Variants in SLC19A1 observed in about 807,000 individuals in gnomAD.
The protein encoded by SLC19A1 is solute carrier family 19 member 1.
A neutral mutation model predicts 35.3 loss-of-function variants in SLC19A1; 37 were observed. That is an observed-to-expected ratio of 1.05 (90% CI 0.81 to 1.38). SLC19A1 has a LOEUF of 1.38. SLC19A1 is among the 40% of genes most tolerant of loss of function. The probability of loss-of-function intolerance (pLI) is 0.00; values close to 1 mark genes in which losing one functional copy is unlikely to be tolerated. For synonymous variants in SLC19A1, 460 were observed against 398.5 expected (o/e 1.15, Z -1.84); for missense variants, 831 against 826.9 (o/e 1.00, Z -0.06).
intron 5 of SLC19A1, 100 bp from the exon 6 acceptor site, chr21:45,516,240 C>CA (rs2037931872): frequency 1.1e-6 from 1 of 917,834 alleles, no homozygotes; most frequent in African/African-American, 1.6e-5. Context: ...TCCTCCAGCT[C>CA]AGAGGCTGAC....
chr21:45,509,267 CCT>C (rs2037429070), downstream of SLC19A1: 4 of 1,512,532 alleles, frequency 2.6e-6, no homozygotes, highest in Non-Finnish European at 2.6e-6. Flanking sequence ...GAGCCCAGCC[CCT>C]CTCACCCAGC....
intron 4 of SLC19A1, among the ~76,000 whole-genome samples, chr21:45,528,089 G>C (rs983971488): frequency 3.3e-5 from 5 of 151,842 alleles, no homozygotes; most frequent in Admixed American, 1.3e-4. Flanking sequence ...GGGGACAGTG[G>C]AGGCTCGGGG....
At chr21:45,556,856 C>G (rs1369113750) in intron 1 of SLC19A1, among the ~76,000 whole-genome samples, 3 of 152,190 alleles carry the variant, frequency 2.0e-5, no homozygotes, top group Non-Finnish European at 2.9e-5. Flanking sequence ...TCCTGGGGGC[C>G]CTGCACAGCA....
At chr21:45,504,168 C>A (rs781583196) in intron 3 of SLC19A1, 5 of 1,258,378 alleles carry the variant, frequency 4.0e-6, no homozygotes, top group East Asian at 2.3e-5. Flanking sequence ...TTCAGCCCTG[C>A]GAGGGGCGCT....
At chr21:45,511,090 TACACAC>T, downstream of SLC19A1, 1 of 1,171,658 alleles carries the variant, frequency 8.5e-7, no homozygotes, top group Non-Finnish European at 1.2e-6. Context: ...CACACACACA[TACACAC>T]GGTTTCTCTT....
rs1602618999 is a variant in SLC19A1, at chr21:45,505,657, G to A, written c.498-7045C>T. ...CCAGGGCCTGTACATTGTCCACGGA[G>A]GCGCAGGAGCTGGCGGCAGGCAGGG... On this transcript the variant is annotated intron_variant, in intron 3 of 4. Transcript: ENST00000417954. Among the ~76,000 whole-genome samples, 2 of 152,178 alleles carry A rather than the reference G, an allele frequency of 1.3e-5. 1 individual carries two copies. Among genetic ancestry groups the A allele is most frequent in the African/African-American group, 4.8e-5 (2 of 41,436 alleles).
intron 2 of SLC19A1, among the ~76,000 whole-genome samples, chr21:45,536,862 C>T (rs1024633438): frequency 1.1e-4 from 17 of 152,104 alleles, no homozygotes; most frequent in African/African-American, 3.4e-4. Flanking sequence ...CCTGTGAGAG[C>T]GCTTTTCCAG....
intron 2 of SLC19A1, chr21:45,535,965 C>A: frequency 6.1e-6 from 1 of 164,262 alleles, no homozygotes; most frequent in South Asian, 1.8e-4. Flanking sequence ...CCTCCCTTGC[C>A]CCCGAAGCTG....
At chr21:45,539,857 A>G (rs73907602) in intron 1 of SLC19A1, among the ~76,000 whole-genome samples, 14,305 of 152,192 alleles carry the variant, frequency 0.094, 669 homozygotes, top group Middle Eastern at 0.12. Context: ...GGGAAGGGTT[A>G]GGGGAACCTC....
At chr21:45,522,483 G>A (rs1271177451) in intron 5 of SLC19A1, among the ~76,000 whole-genome samples, 2 of 152,188 alleles carry the variant, frequency 1.3e-5, no homozygotes, top group Non-Finnish European at 2.9e-5. Flanking sequence ...CCCAGCACTT[G>A]CACTTCTGGG....
At chr21:45,554,910 C>T (rs1273511339) in intron 1 of SLC19A1, among the ~76,000 whole-genome samples, 1 of 151,836 alleles carries the variant, frequency 6.6e-6, no homozygotes, top group Non-Finnish European at 1.5e-5. Context: ...AGGCCCCTCG[C>T]CTTCTCCCCA....
intron 2 of SLC19A1, 48 bp from the exon 3 acceptor site, chr21:45,532,196 G>C (rs2077955208): frequency 6.7e-7 from 1 of 1,488,040 alleles, no homozygotes; most frequent in East Asian, 2.3e-5. Flanking sequence ...CAATGCTGCC[G>C]CTGCGGCAGA....
intron 5 of SLC19A1, 36 bp from the exon 6 acceptor site, chr21:45,516,176 G>A: frequency 1.9e-6 from 3 of 1,542,836 alleles, no homozygotes; most frequent in African/African-American, 1.4e-5. Context: ...GGTGGGGAGG[G>A]CCTGGCTGGG....
In SLC19A1 at chr21:45,531,717, C is replaced by A. The variant is rs995770542; in HGVS notation, c.621G>T (p.Lys207Asn). The change falls in exon 3 of 6, where the codon AAG becomes AAT. Residue 207 changes from lysine to asparagine, a missense_variant. Lys to Asn is a moderately conservative substitution (Grantham distance 94). Coordinates refer to ENST00000311124, the MANE Select transcript of SLC19A1 (RefSeq NM_194255.4). ...VVLALFLKRPKRSLFFNRDDR... is the reference protein window; with the variant it reads ...VVLALFLKRPNRSLFFNRDDR... The stretch of plus-strand genomic sequence containing the variant: ...CGTCGCGGTTGAAGAAGAGGCTGCG[C>A]TTGGGGCGCTTCAGGAAGAGGGCGA... The A allele has an allele frequency of 1.2e-6, 2 of 1,612,728 alleles. No individual in the cohort carries two copies. The highest frequency in any genetic ancestry group is 1.3e-5 in the African/African-American group (1 of 74,904).
At position 45,540,378 on chromosome 21, in the gene SLC19A1, C is replaced by T. The variant is rs531685210; in HGVS notation, c.-50+1990G>A. 3.9e-4 allele frequency among the ~76,000 whole-genome samples: 60 copies of T among 152,260 alleles called. No homozygotes were observed. Among genetic ancestry groups the T allele is most frequent in the African/African-American group, 1.4e-3 (59 of 41,562 alleles). Reference sequence around the variant, plus strand: ...GCCCACAGTCCATGGCCGCAGGAGTCAGATCCCCACCCACAGGACCCCCAG... The same window carrying T: ...GCCCACAGTCCATGGCCGCAGGAGTTAGATCCCCACCCACAGGACCCCCAG... On this transcript the variant is annotated intron_variant, in intron 1 of 5. Transcript: ENST00000311124. The surrounding 1 kb of genome is among the most constrained non-coding windows in gnomAD (Gnocchi z 5.5).
chr21:45,553,632 C>A (rs1218506398), intron 1 of SLC19A1, among the ~76,000 whole-genome samples: 1 of 78,468 alleles, frequency 1.3e-5, no homozygotes, highest in Non-Finnish European at 2.7e-5. Context: ...AATCCCCCCG[C>A]GCCCCCCTCC....
At position 45,505,921 on chromosome 21, in the gene SLC19A1, G is replaced by A. The variant is rs1488058894; in HGVS notation, c.498-7309C>T. ...GCTGGCTCATCTTCGTGGCCGAGCA[G>A]GAGGAGCTCTACGTCCGCGTGCAGA... On this transcript the variant is annotated intron_variant, in intron 3 of 4. Transcript: ENST00000417954. 1.9e-6 allele frequency: 3 copies of A among 1,613,198 alleles called. No individual in the cohort carries two copies.
At position 45,537,801 on chromosome 21, in the gene SLC19A1, C is replaced by A; in HGVS notation, c.159G>T (p.Leu53=). 6.4e-7 allele frequency: 1 copy of A among 1,564,350 alleles called. No individual in the cohort carries two copies. Residue 53 remains leucine (L), a synonymous_variant, in exon 2 of 6, where the codon CTG becomes CTT. Coordinates refer to ENST00000311124, the MANE Select transcript of SLC19A1 (RefSeq NM_194255.4). ...CCCGCGTGAAGTTCTTGTCGGGCCC[C>A]AGGAGGTAGGGGGTGATGAAGCTCT... is the stretch of plus-strand genomic sequence containing the variant. ...PGESFITPYL[L]GPDKNFTREQ...
intron 1 of SLC19A1, among the ~76,000 whole-genome samples, chr21:45,556,430 C>G (rs774671277): frequency 9.9e-5 from 15 of 152,232 alleles, no homozygotes; most frequent in Non-Finnish European, 1.6e-4. Context: ...AGCGCCCGGG[C>G]TTGGGTGTTT....
Sources: allele counts gnomAD v4.1 joint callset (sites outside exome capture counted in the v4.1 genomes callset), GRCh38; gene constraint gnomAD v4.1.1; non-coding constraint Gnocchi (gnomAD v3.1); transcripts MANE v1.5; gene names NCBI Gene and HGNC (gene_info 2026-07-23, HGNC 2026-07-21).